Variants in GMDS observed in about 807,000 individuals in gnomAD.
GMDS encodes GDP-mannose 4,6-dehydratase.
GMDS carries 20 observed loss-of-function variants against 49.9 expected under a neutral mutation model. The ratio of observed to expected loss-of-function variants is 0.40; its 90% CI spans 0.28 to 0.58. GMDS has a LOEUF of 0.58. Ranked by LOEUF, GMDS falls within the 20% of genes least tolerant of loss-of-function variation. The pLI is 0.42. For synonymous variants in GMDS, 177 were observed against 178.6 expected, an observed-to-expected ratio of 0.99 and a Z score of 0.07; for missense variants, 362 against 481.4, an observed-to-expected ratio of 0.75 and a Z score of 2.32.
At chr6:2,102,829 T>C (rs1478003518) in intron 4 of GMDS, among the ~76,000 whole-genome samples, 1 of 147,532 alleles carries the variant, frequency 6.8e-6, no homozygotes, top group Admixed American at 6.6e-5. Flanking sequence ...GTTCAACTTA[T>C]AAAATTCCAT....
chr6:1,936,162 G>T (rs1762520065), intron 6 of GMDS, among the ~76,000 whole-genome samples: 1 of 152,186 alleles, frequency 6.6e-6, no homozygotes, highest in Admixed American at 6.5e-5. Flanking sequence ...TCTTAAGCAA[G>T]TGTTTTAATT....
At chr6:1,825,952 G>A (rs1771094093) in intron 7 of GMDS, among the ~76,000 whole-genome samples, 2 of 152,148 alleles carry the variant, frequency 1.3e-5, no homozygotes, top group African/African-American at 2.4e-5. Context: ...GGAGGGGGAG[G>A]TGGCAGTGAG....
At chr6:2,019,625 T>A (rs983010925) in intron 4 of GMDS, among the ~76,000 whole-genome samples, 4 of 152,100 alleles carry the variant, frequency 2.6e-5, no homozygotes, top group Non-Finnish European at 5.9e-5. Context: ...AATTTTTGTA[T>A]TTTTAGTAGA....
rs557567444 is a variant in GMDS, at chr6:1,632,331, A to T, written c.988-7791T>A. ...AATGCTGGATGGAAACTGACACAGA[A>T]GAGTCCATATTGTACATATTGTATG... On this transcript the variant is annotated intron_variant, in intron 9 of 10. Transcript: ENST00000380815. Among the ~76,000 whole-genome samples the T allele has an allele frequency of 4.6e-5, 7 of 152,358 alleles. No individual in the cohort carries two copies. In the East Asian group the frequency reaches 1.2e-3, roughly 25 times the overall value.
intron 9 of GMDS, among the ~76,000 whole-genome samples, chr6:1,701,226 A>C (rs1472948394): frequency 6.6e-6 from 1 of 152,166 alleles, no homozygotes; most frequent in Non-Finnish European, 1.5e-5. Flanking sequence ...TTAAGCTTTC[A>C]TTTATAATTA....
intron 7 of GMDS, among the ~76,000 whole-genome samples, chr6:1,813,928 A>G (rs1203351918): frequency 6.6e-6 from 1 of 152,252 alleles, no homozygotes; most frequent in East Asian, 1.9e-4. Context: ...AAAGACATAT[A>G]GAGCCTGAAT....
rs530201146 is a variant in GMDS at position 2,191,373 on chromosome 6, C to T, written c.102+53948G>A. 3.4e-4 allele frequency among the ~76,000 whole-genome samples: 51 copies of T among 152,152 alleles called. No individual in the cohort carries two copies. The highest frequency in any genetic ancestry group is 6.5e-4 in the Non-Finnish European group (44 of 67,992). Reference sequence around the variant, plus strand: ...CAGGCCCAGCAAGGACCTAGAGCCCCCAGGCTGCAAGGGGGCACAGCTGGG... The same window carrying T: ...CAGGCCCAGCAAGGACCTAGAGCCCTCAGGCTGCAAGGGGGCACAGCTGGG... On this transcript the variant is annotated intron_variant, in intron 1 of 10. Transcript: ENST00000380815. This position sits in a 1 kb window ranked among gnomAD's most constrained non-coding sequence, Gnocchi z 4.6.
At chr6:1,726,554 G>GCCAAAT in intron 8 of GMDS, 42 bp from the exon 9 acceptor site, 1 of 1,449,754 alleles carries the variant, frequency 6.9e-7, no homozygotes, top group Non-Finnish European at 9.7e-7. Context: ...TAATTGCTTG[G>GCCAAAT]GAACATTTGG....
At chr6:1,775,007 G>A (rs1287024127) in intron 7 of GMDS, among the ~76,000 whole-genome samples, 2 of 152,308 alleles carry the variant, frequency 1.3e-5, no homozygotes, top group South Asian at 2.1e-4. Context: ...GGCTGATTCC[G>A]AAAGACAAGT....
chr6:2,174,248 T>C (rs1778159657), intron 1 of GMDS, among the ~76,000 whole-genome samples: 1 of 152,192 alleles, frequency 6.6e-6, no homozygotes. Context: ...AGGGGATGGA[T>C]GATAAAATGC....
chr6:2,074,202 T>C (rs1772182088), intron 4 of GMDS, among the ~76,000 whole-genome samples: 1 of 152,216 alleles, frequency 6.6e-6, no homozygotes. Flanking sequence ...TTTTTAATGA[T>C]AACCATTCTA....
intron 7 of GMDS, among the ~76,000 whole-genome samples, chr6:1,808,888 C>T (rs1412017308): frequency 2.1e-5 from 3 of 144,288 alleles, no homozygotes; most frequent in Non-Finnish European, 3.0e-5. Flanking sequence ...CTTCTTTGCA[C>T]TAGTGCATGC....
intron 9 of GMDS, among the ~76,000 whole-genome samples, chr6:1,655,499 A>G (rs1397258398): frequency 1.5e-5 from 2 of 133,678 alleles, no homozygotes; most frequent in Non-Finnish European, 3.1e-5. Context: ...ACACACATAC[A>G]CACACACACA....
At chr6:1,683,190 C>T (rs972234938) in intron 9 of GMDS, among the ~76,000 whole-genome samples, 2 of 152,186 alleles carry the variant, frequency 1.3e-5, no homozygotes, top group African/African-American at 4.8e-5. Flanking sequence ...GTGGTGCAAT[C>T]TCGGCTCACT....
intron 7 of GMDS, among the ~76,000 whole-genome samples, chr6:1,744,205 T>C (rs1047056130): frequency 2.9e-4 from 44 of 152,230 alleles, no homozygotes; most frequent in African/African-American, 1.1e-3. Context: ...TTTTGGTCTA[T>C]TACAAGATTG....
chr6:1,993,350 C>G (rs1258118431), intron 4 of GMDS, among the ~76,000 whole-genome samples: 5 of 152,192 alleles, frequency 3.3e-5, no homozygotes, highest in Non-Finnish European at 7.3e-5. Flanking sequence ...TCCTCTATCA[C>G]TTTCAACATT....
At chr6:2,095,149 G>A (rs1019050960) in intron 4 of GMDS, among the ~76,000 whole-genome samples, 2 of 152,058 alleles carry the variant, frequency 1.3e-5, no homozygotes, top group Admixed American at 6.6e-5. Context: ...CCTTACAATC[G>A]CAGTCGGCCA....
chr6:1,679,315 C>G (rs571319472), intron 9 of GMDS: 1 of 152,298 alleles, frequency 6.6e-6, no homozygotes, highest in South Asian at 2.1e-4. Flanking sequence ...TTTAGGCCAT[C>G]GGGGTGGGCT....
intron 7 of GMDS, among the ~76,000 whole-genome samples, chr6:1,896,369 G>A (rs542670036): frequency 1.4e-4 from 21 of 152,294 alleles, no homozygotes; most frequent in Non-Finnish European, 2.5e-4. Flanking sequence ...ACATTCTTGA[G>A]GAACTTACTG....
Sources: gnomAD v4.1 joint callset for allele counts (sites outside exome capture counted in the v4.1 genomes callset) on GRCh38, gnomAD v4.1.1 for gene constraint, Gnocchi (gnomAD v3.1) non-coding constraint, MANE v1.5 for transcripts, NCBI Gene and HGNC (gene_info 2026-07-23, HGNC 2026-07-21) for gene names.